Variants in SDCCAG8 observed in about 807,000 individuals in gnomAD.
SDCCAG8 encodes the protein SHH signaling and ciliogenesis regulator SDCCAG8, also known as serologically defined colon cancer antigen 8.
In SDCCAG8, 74 loss-of-function variants were observed where a neutral mutation model predicts 101.8. The observed-to-expected ratio is 0.73, with a 90% CI of 0.60 to 0.88. The LOEUF (loss-of-function observed/expected upper bound fraction) is 0.88. Ranked by LOEUF, SDCCAG8 falls within the 40% of genes least tolerant of loss-of-function variation. The pLI is 0.00. For synonymous variants in SDCCAG8, 281 were observed against 292.9 expected, an observed-to-expected ratio of 0.96 and a Z score of 0.41; for missense variants, 787 against 822.6, an observed-to-expected ratio of 0.96 and a Z score of 0.53.
intron 17 of SDCCAG8, among the ~76,000 whole-genome samples, chr1:243,494,982 T>G (rs1667425849): frequency 6.6e-6 from 1 of 152,256 alleles, no homozygotes; most frequent in Admixed American, 6.5e-5. Flanking sequence ...TCTCTGCTGT[T>G]GGTGACACTG....
intron 6 of SDCCAG8, among the ~76,000 whole-genome samples, chr1:243,301,749 A>G (rs934251138): frequency 4.6e-5 from 7 of 152,032 alleles, no homozygotes; most frequent in Non-Finnish European, 5.9e-5. Flanking sequence ...AGACTCTAAT[A>G]TAATTTGAGG....
chr1:243,489,321 C>G (rs1665800546), intron 17 of SDCCAG8, among the ~76,000 whole-genome samples, 181 bp downstream of exon 17: 1 of 152,208 alleles, frequency 6.6e-6, no homozygotes, highest in Admixed American at 6.5e-5. Flanking sequence ...GCCATGGGCC[C>G]GTCCTGGTGA....
chr1:243,285,262 G>A (rs1281723836), intron 4 of SDCCAG8, among the ~76,000 whole-genome samples: 2 of 152,152 alleles, frequency 1.3e-5, no homozygotes, highest in African/African-American at 4.8e-5. Context: ...CTCCTACAGA[G>A]GTTTCTGATT....
chr1:243,344,114 AT>A, intron 11 of SDCCAG8, 100 bp from the exon 12 acceptor site: 4 of 916,084 alleles, frequency 4.4e-6, no homozygotes, highest in Admixed American at 1.8e-5. Context: ...GTTTTGTTGT[AT>A]TTTATCTATA....
intron 12 of SDCCAG8, among the ~76,000 whole-genome samples, chr1:243,353,789 GT>G (rs2076236589): frequency 6.6e-6 from 1 of 152,170 alleles, no homozygotes; most frequent in African/African-American, 2.4e-5. Context: ...ATGCCCTGCA[GT>G]CAGGCACAGA....
intron 4 of SDCCAG8, among the ~76,000 whole-genome samples, chr1:243,278,313 C>T (rs570901233): frequency 4.6e-5 from 7 of 152,188 alleles, no homozygotes; most frequent in East Asian, 1.9e-4. Flanking sequence ...CTCCGCCTCC[C>T]GGGTTCAAAC....
chr1:243,303,192 A>G (rs894553309), intron 6 of SDCCAG8, among the ~76,000 whole-genome samples: 1 of 152,226 alleles, frequency 6.6e-6, no homozygotes. Flanking sequence ...GAGGAAGAAG[A>G]CATAGAAGAA....
chr1:243,343,258 G>A (rs566329194), intron 11 of SDCCAG8, among the ~76,000 whole-genome samples: 17 of 152,242 alleles, frequency 1.1e-4, no homozygotes, highest in East Asian at 9.6e-4. Context: ...AAAGCATAAC[G>A]GTGAGATAAT....
chr1:243,418,607 T>C (rs557396930), intron 15 of SDCCAG8, among the ~76,000 whole-genome samples: 39 of 152,362 alleles, frequency 2.6e-4, no homozygotes, highest in African/African-American at 9.4e-4. Flanking sequence ...CATACTACTC[T>C]TTTATAAATC....
chr1:243,456,542 A>G (rs1249664872), intron 16 of SDCCAG8, among the ~76,000 whole-genome samples: 3 of 152,200 alleles, frequency 2.0e-5, no homozygotes, highest in Non-Finnish European at 4.4e-5. Flanking sequence ...AGAGTGAGCT[A>G]TTAGCTGTGC....
chr1:243,277,899 G>C (rs539950714), intron 4 of SDCCAG8, among the ~76,000 whole-genome samples: 1 of 152,116 alleles, frequency 6.6e-6, no homozygotes, highest in African/African-American at 2.4e-5. Context: ...CTTGATTACT[G>C]TAGCTTTACA....
chr1:243,316,583 C>T (rs758771809), intron 8 of SDCCAG8, among the ~76,000 whole-genome samples, 172 bp from the exon 9 acceptor site: 7 of 152,194 alleles, frequency 4.6e-5, no homozygotes, highest in African/African-American at 1.2e-4. Flanking sequence ...CTCCGCCCGC[C>T]GCTCGCCAAG....
At position 243,490,555 on chromosome 1, in the gene SDCCAG8, G is replaced by A. The variant is rs527512940; in HGVS notation, c.2112+1415G>A. Among the ~76,000 whole-genome samples the A allele has an allele frequency of 2.6e-5, 4 of 152,332 alleles. No homozygotes were observed. In the South Asian group the frequency reaches 6.2e-4, roughly 24 times the overall value. On this transcript the variant is annotated intron_variant, in intron 17 of 17. Transcript: ENST00000366541. ...GTGCTGAATCCCCTGCCCCCGCTTCGGACAAGTAACTTAAGCCTTTTTCCA... is the reference window on the plus strand; with the variant it reads ...GTGCTGAATCCCCTGCCCCCGCTTCAGACAAGTAACTTAAGCCTTTTTCCA...
At chr1:243,423,220 T>A (rs2081127565) in intron 15 of SDCCAG8, among the ~76,000 whole-genome samples, 1 of 152,078 alleles carries the variant, frequency 6.6e-6, no homozygotes, top group African/African-American at 2.4e-5. Flanking sequence ...TAAATAACAT[T>A]TATATTTTTG....
intron 12 of SDCCAG8, among the ~76,000 whole-genome samples, chr1:243,350,366 C>T (rs1371577946): frequency 6.6e-6 from 1 of 151,960 alleles, no homozygotes; most frequent in African/African-American, 2.4e-5. Flanking sequence ...ACGCCACCAC[C>T]CCCAGCTATT....
chr1:243,433,393 C>T (rs1336509345), intron 16 of SDCCAG8, among the ~76,000 whole-genome samples: 1 of 151,658 alleles, frequency 6.6e-6, no homozygotes, highest in African/African-American at 2.4e-5. Context: ...CTCTGCCGCA[C>T]TCTCGTGGCT....
intron 7 of SDCCAG8, 116 bp downstream of exon 7, chr1:243,304,893 T>A (rs552470747): frequency 4.3e-6 from 3 of 694,338 alleles, no homozygotes; most frequent in African/African-American, 1.8e-5. Flanking sequence ...GATGACATTT[T>A]AATACACTTT....
chr1:243,455,298 C>A (rs2083658857), intron 16 of SDCCAG8, among the ~76,000 whole-genome samples: 1 of 152,086 alleles, frequency 6.6e-6, no homozygotes, highest in South Asian at 2.1e-4. Flanking sequence ...GAGATGGAAT[C>A]TCGCTGTGTT....
intron 9 of SDCCAG8, among the ~76,000 whole-genome samples, chr1:243,328,410 C>G (rs868098256): frequency 5.9e-5 from 9 of 152,106 alleles, no homozygotes; most frequent in Admixed American, 5.9e-4. Flanking sequence ...TCCCTAGTAG[C>G]TGGGATTACA....
Sources: gnomAD v4.1 joint callset for allele counts (sites outside exome capture counted in the v4.1 genomes callset) on GRCh38, gnomAD v4.1.1 for gene constraint, MANE v1.5 for transcripts, NCBI Gene and HGNC (gene_info 2026-07-23, HGNC 2026-07-21) for gene names.